Variants in PRH1 observed in about 807,000 individuals in gnomAD.
PRH1 encodes proline rich protein HaeIII subfamily 1, also known as salivary acidic proline-rich phosphoprotein 1/2.
Under a neutral mutation model 7.9 loss-of-function variants are expected in PRH1, and 7 were observed. The ratio of observed to expected loss-of-function variants is 0.89; its 90% confidence interval spans 0.50 to 1.67. PRH1 has a LOEUF of 1.67. Among genes scored for constraint, PRH1 ranks in the 40% most tolerant of loss-of-function variants. The pLI is 0.00. For missense variants in PRH1, 109 were observed against 223.6 expected (o/e 0.49, Z 3.27); for synonymous variants, 45 against 80.8 (o/e 0.56, Z 2.38).
At position 10,968,718 on chromosome 12, in the gene PRH1, C is replaced by T. The variant is rs1938637148; in HGVS notation, c.-59+4937G>A. Among the ~76,000 whole-genome samples, 3 of 152,340 alleles carry T rather than the reference C, an allele frequency of 2.0e-5. No individual in the cohort carries two copies. In the South Asian group the frequency reaches 6.2e-4, roughly 32 times the overall value. ...GAAATCCACTCGCTGGGACCCACTG[C>T]GCCCAGCCCTCATGGGAGGGAGCAC... On this transcript the variant is annotated intron_variant, in intron 2 of 3. Coordinates refer to the PRH1 transcript ENST00000539853.
At chr12:11,031,226 T>C (rs753650700) in intron 1 of PRH1, 1 of 1,614,148 alleles carries the variant, frequency 6.2e-7, no homozygotes, top group South Asian at 1.1e-5. Flanking sequence ...CTTTTGTCTC[T>C]TGACCCGCTC....
intron 1 of PRH1, among the ~76,000 whole-genome samples, chr12:11,115,552 C>T (rs1338014725): frequency 1.3e-5 from 2 of 152,068 alleles, no homozygotes; most frequent in African/African-American, 4.8e-5. Flanking sequence ...AAATTGATTA[C>T]AGATATTTAC....
intron 1 of PRH1, among the ~76,000 whole-genome samples, chr12:11,018,399 T>C (rs1941404411): frequency 6.6e-6 from 1 of 152,212 alleles, no homozygotes; most frequent in Non-Finnish European, 1.5e-5. Context: ...GAGGGGACTA[T>C]ATTGGACACA....
intron 2 of PRH1, among the ~76,000 whole-genome samples, chr12:10,918,081 G>A (rs1052812239): frequency 1.3e-5 from 2 of 152,172 alleles, no homozygotes; most frequent in Admixed American, 6.5e-5. Context: ...GGACATGGAT[G>A]AAGCTGGAAG....
upstream of PRH1, among the ~76,000 whole-genome samples, chr12:11,051,686 C>A (rs1434928180): frequency 3.9e-5 from 6 of 152,138 alleles, no homozygotes; most frequent in African/African-American, 1.4e-4. Flanking sequence ...AGGTATGCAA[C>A]CCTAAACTCA....
At chr12:10,993,152 C>T (rs1940024120) in intron 1 of PRH1, among the ~76,000 whole-genome samples, 1 of 152,184 alleles carries the variant, frequency 6.6e-6, no homozygotes, top group Non-Finnish European at 1.5e-5. Flanking sequence ...GGATGTGGTA[C>T]CTTCACTGAG....
intron 1 of PRH1, among the ~76,000 whole-genome samples, chr12:11,154,840 T>G (rs1341709657): frequency 6.6e-6 from 1 of 152,160 alleles, no homozygotes; most frequent in Non-Finnish European, 1.5e-5. Context: ...TTCCCTCTGG[T>G]GCTTCAGGAA....
chr12:11,124,915 T>A (rs1946059691), intron 1 of PRH1, among the ~76,000 whole-genome samples: 1 of 151,926 alleles, frequency 6.6e-6, no homozygotes, highest in Non-Finnish European at 1.5e-5. Flanking sequence ...CAATATTGGC[T>A]CACTGCAGCC....
intron 1 of PRH1, among the ~76,000 whole-genome samples, chr12:11,146,093 G>A (rs969333677): frequency 1.3e-5 from 2 of 152,020 alleles, no homozygotes; most frequent in Non-Finnish European, 2.9e-5. Flanking sequence ...CCTACTATAT[G>A]CTTCTACCAG....
At chr12:11,110,242 T>C (rs1945548113) in intron 1 of PRH1, among the ~76,000 whole-genome samples, 1 of 152,170 alleles carries the variant, frequency 6.6e-6, no homozygotes, top group South Asian at 2.1e-4. Flanking sequence ...TGGAAAACAC[T>C]CTTCAGGATA....
intron 1 of PRH1, among the ~76,000 whole-genome samples, chr12:11,158,259 T>A (rs1947311535): frequency 6.6e-6 from 1 of 152,196 alleles, no homozygotes. Context: ...CATTCCCAGC[T>A]ACTGTGATTA....
At chr12:11,045,637 T>A (rs1268001224) in intron 1 of PRH1, among the ~76,000 whole-genome samples, 2 of 146,458 alleles carry the variant, frequency 1.4e-5, no homozygotes, top group Non-Finnish European at 3.0e-5. Context: ...GGTAAATTAA[T>A]ATGTCCACAT....
chr12:10,994,575 C>T (rs937474638), intron 1 of PRH1, among the ~76,000 whole-genome samples: 5 of 152,116 alleles, frequency 3.3e-5, no homozygotes, highest in African/African-American at 1.2e-4. Context: ...CCACATGTCC[C>T]AGCCATTTCT....
At chr12:11,033,979 T>C (rs1942334599) in intron 1 of PRH1, among the ~76,000 whole-genome samples, 1 of 150,640 alleles carries the variant, frequency 6.6e-6, no homozygotes, top group South Asian at 2.1e-4. Flanking sequence ...CCTAAACCCT[T>C]CTTCGCATCT....
chr12:11,061,859 C>CA (rs1291915429), intron 1 of PRH1: 2 of 1,613,970 alleles, frequency 1.2e-6, no homozygotes, highest in Admixed American at 1.7e-5. Context: ...ATGTTTATCA[C>CA]AAAAAGATGA....
At position 11,168,200 on chromosome 12, in the gene PRH1, CGAAAGAAAGAAAGAA is replaced by C. The variant is rs1355877922; in HGVS notation, n.39+3207_39+3221del. Among the ~76,000 whole-genome samples, 112 of 36,380 alleles carry C rather than the reference CGAAAGAAAGAAAGAA, an allele frequency of 3.1e-3. 32 individuals are homozygous for C. The East Asian group carries it at 0.18, about 57-fold the overall frequency. The allele number at this position is 36,380 out of a possible 152,430, so 23.9% of individuals were successfully genotyped here. Reference sequence around the variant, plus strand: ...TACATATTAAAGCCATGGCAAAAAACGAAAGAAAGAAAGAAGAAAGAAAGAAAGAAAGAAAGAAAG... The same window carrying C: ...TACATATTAAAGCCATGGCAAAAAACGAAAGAAAGAAAGAAAGAAAGAAAG... On this transcript the variant is annotated intron_variant and non_coding_transcript_variant, in intron 1 of 1. Coordinates refer to the PRH1 transcript ENST00000541175.
At chr12:10,892,199 C>G (rs771994834) in intron 2 of PRH1, among the ~76,000 whole-genome samples, 1 of 152,158 alleles carries the variant, frequency 6.6e-6, no homozygotes, top group East Asian at 1.9e-4. Flanking sequence ...ATACTGTTTG[C>G]TCACAAGATA....
rs148125079 is a variant in PRH1, at chr12:10,940,701, T to C, written c.-59+32954A>G. ...AGCCAAGACGGGGAAATCAGCAGCA[T>C]GATACAGTCATTCTTCTTCAATAGC... On this transcript the variant is annotated intron_variant, in intron 2 of 3. Transcript: ENST00000539853. Among the ~76,000 whole-genome samples, 1,002 of 152,302 alleles carry C rather than the reference T, an allele frequency of 6.6e-3. 14 individuals carry two copies. The highest frequency in any genetic ancestry group is 0.022 in the African/African-American group (927 of 41,570).
chr12:11,013,466 T>C (rs1288888490), intron 1 of PRH1, among the ~76,000 whole-genome samples: 1 of 152,144 alleles, frequency 6.6e-6, no homozygotes, highest in Non-Finnish European at 1.5e-5. Flanking sequence ...TAATTGATTA[T>C]AGAGCTAAAT....
Sources: allele counts gnomAD v4.1 joint callset (sites outside exome capture counted in the v4.1 genomes callset), GRCh38; gene constraint gnomAD v4.1.1; transcripts MANE v1.5; gene names NCBI Gene and HGNC (gene_info 2026-07-23, HGNC 2026-07-21).